The following ZNF148 variants were observed in gnomAD, a reference collection of about 807,000 sequenced individuals.
The protein encoded by ZNF148 is Beta-Enolase Repressor Factor-1.
ZNF148 carries 7 observed loss-of-function variants against 67.7 expected under a neutral mutation model. That is an observed-to-expected ratio of 0.10 (90% CI 0.06 to 0.19). The LOEUF is 0.19. Ranked by LOEUF, ZNF148 falls within the 10% of genes least tolerant of loss-of-function variation. The pLI is 1.00. For synonymous variants in ZNF148, 333 were observed against 330.7 expected (o/e 1.01, Z -0.08); for missense variants, 583 against 947.1 (o/e 0.62, Z 5.05).
intron 7 of ZNF148, among the ~76,000 whole-genome samples, chr3:125,262,443 G>C (rs1158197286): frequency 1.3e-5 from 2 of 152,194 alleles, no homozygotes; most frequent in East Asian, 3.8e-4. Flanking sequence ...TGGAGATTTT[G>C]CTTCTTGTTC....
chr3:125,352,534 A>G (rs559700202), intron 1 of ZNF148, among the ~76,000 whole-genome samples: 19 of 152,288 alleles, frequency 1.2e-4, no homozygotes, highest in African/African-American at 3.8e-4. Context: ...TGTATGGTAT[A>G]TAAGTTATAC....
At chr3:125,270,986 T>A in intron 7 of ZNF148, among the ~76,000 whole-genome samples, 1 of 152,324 alleles carries the variant, frequency 6.6e-6, no homozygotes. Context: ...TTTAAAAAAA[T>A]TTAAATACCT....
At chr3:125,332,460 TTA>T (rs1424592847) in intron 1 of ZNF148, among the ~76,000 whole-genome samples, 2 of 152,172 alleles carry the variant, frequency 1.3e-5, no homozygotes, top group African/African-American at 4.8e-5. Context: ...TAAAGCTAAA[TTA>T]TGTTAAATTA....
chr3:125,288,195 C>A lies in ZNF148; in HGVS notation c.367G>T (p.Val123Leu). ...TTGTCTCTCATCAGTTGCTCAGATA[C>A]ATCAGTAAAAGTAATTTCCTGCTTT... Reference protein sequence around the residue: ...SVKQEITFTDVSEQLMRDKKQ... With the variant: ...SVKQEITFTDLSEQLMRDKKQ... Residue 123 changes from valine (V) to leucine (L), a missense_variant, in exon 5 of 9, where the codon GTA becomes TTA. Coordinates refer to ENST00000360647, the MANE Select transcript of ZNF148 (RefSeq NM_021964.3). The A allele has an allele frequency of 6.2e-7, 1 of 1,613,512 alleles. No individual in the cohort carries two copies. The highest frequency in any genetic ancestry group is 2.2e-5 in the East Asian group (1 of 44,848).
chr3:125,332,720 C>T (rs1477056283), intron 1 of ZNF148, among the ~76,000 whole-genome samples: 5 of 152,130 alleles, frequency 3.3e-5, no homozygotes, highest in Admixed American at 3.3e-4. Context: ...TAAATACTGC[C>T]TGCCTATGTT....
intron 7 of ZNF148, among the ~76,000 whole-genome samples, chr3:125,249,630 A>G (rs1194185568): frequency 6.6e-6 from 1 of 152,188 alleles, no homozygotes; most frequent in Admixed American, 6.5e-5. Flanking sequence ...AAAACAAAAA[A>G]AAACTAAAAA....
At chr3:125,323,644 G>A (rs1940884604) in intron 2 of ZNF148, among the ~76,000 whole-genome samples, 200 bp from the exon 3 acceptor site, 3 of 152,128 alleles carry the variant, frequency 2.0e-5, no homozygotes, top group Admixed American at 2.0e-4. Context: ...GACAGTAAAT[G>A]AGAAATAAAC....
intron 4 of ZNF148, among the ~76,000 whole-genome samples, chr3:125,304,754 T>C (rs962812748): frequency 1.3e-5 from 2 of 152,124 alleles, no homozygotes; most frequent in African/African-American, 4.8e-5. Flanking sequence ...GCTCTGTCCA[T>C]TGAGAGGCCT....
At chr3:125,274,796 A>C (rs569125440) in intron 7 of ZNF148, among the ~76,000 whole-genome samples, 1 of 152,220 alleles carries the variant, frequency 6.6e-6, no homozygotes, top group Admixed American at 6.5e-5. Flanking sequence ...GATGGTTTTC[A>C]CCAACCTTTG....
At chr3:125,265,342 A>G (rs1937511129) in intron 7 of ZNF148, among the ~76,000 whole-genome samples, 1 of 152,230 alleles carries the variant, frequency 6.6e-6, no homozygotes, top group South Asian at 2.1e-4. Context: ...CTGGCATCGC[A>G]TCTCCTTAAT....
chr3:125,305,569 T>C lies in ZNF148; in HGVS notation c.333+7739A>G, dbSNP rs560828218. Among the ~76,000 whole-genome samples the C allele has an allele frequency of 1.4e-4, 21 of 152,042 alleles. No homozygotes were observed. In the South Asian group the frequency reaches 4.2e-3, roughly 30 times the overall value. ...GCTCACACCTGTAATCCCAGTACTT[T>C]GGGAGGTGAAAGCAGGAGGATCGCT... On this transcript the variant is annotated intron_variant, in intron 4 of 8. Transcript: ENST00000360647.
intron 4 of ZNF148, among the ~76,000 whole-genome samples, chr3:125,299,009 G>A (rs958325256): frequency 1.3e-5 from 2 of 152,150 alleles, no homozygotes; most frequent in East Asian, 3.8e-4. Context: ...AAAACTTCCA[G>A]AAAGGTATCA....
Position 125,232,477 on chromosome 3 carries a change from G to C in ZNF148, c.2249C>G (p.Thr750Ser). 6.2e-7 allele frequency: 1 copy of C among 1,613,724 alleles called. No individual in the cohort carries two copies. Among genetic ancestry groups the C allele is most frequent in the Non-Finnish European group, 8.5e-7 (1 of 1,179,764 alleles). Reference protein sequence around the residue: ...SRAGIATQFSTANGQVNLRGP... With the variant: ...SRAGIATQFSSANGQVNLRGP... ...CCGAAGGTTCACCTGTCCATTGGCAGTGCTAAATTGAGTAGCTATTCCAGC... is the reference window on the plus strand; with the variant it reads ...CCGAAGGTTCACCTGTCCATTGGCACTGCTAAATTGAGTAGCTATTCCAGC... The change falls in exon 9 of 9, where the codon ACT (threonine) becomes AGT (serine). Residue 750 changes from threonine to serine, a missense_variant. Physicochemically the swap from Thr to Ser is moderately conservative, Grantham distance 58. Around this residue, in one of 5 missense-constraint regions of ZNF148, gnomAD observed 158 missense variants for 208.4 expected, o/e 0.76. Coordinates refer to ENST00000360647, the MANE Select transcript of ZNF148 (RefSeq NM_021964.3). The surrounding 1 kb of genome is among the most constrained non-coding windows in gnomAD (Gnocchi z 4.2).
At chr3:125,371,251 G>A (rs1240701910) in intron 1 of ZNF148, among the ~76,000 whole-genome samples, 1 of 151,652 alleles carries the variant, frequency 6.6e-6, no homozygotes, top group Non-Finnish European at 1.5e-5. Flanking sequence ...GGCTACTTGT[G>A]GGGCTGAGGT....
At chr3:125,251,172 T>G (rs1399482914) in intron 7 of ZNF148, among the ~76,000 whole-genome samples, 1 of 152,144 alleles carries the variant, frequency 6.6e-6, no homozygotes, top group Non-Finnish European at 1.5e-5. Context: ...AATCAAGAAA[T>G]AGAACATTAT....
At chr3:125,273,049 T>C (rs1311105382) in intron 7 of ZNF148, among the ~76,000 whole-genome samples, 1 of 152,182 alleles carries the variant, frequency 6.6e-6, no homozygotes, top group Non-Finnish European at 1.5e-5. Flanking sequence ...GACTTCTCTA[T>C]TAGAGCTAAT....
At chr3:125,327,241 A>G (rs1295670487) in intron 2 of ZNF148, among the ~76,000 whole-genome samples, 1 of 152,210 alleles carries the variant, frequency 6.6e-6, no homozygotes, top group Non-Finnish European at 1.5e-5. Context: ...CAAAATAATG[A>G]AGCAGTAACT....
At chr3:125,307,190 G>A (rs774178366) in intron 4 of ZNF148, among the ~76,000 whole-genome samples, 3 of 152,088 alleles carry the variant, frequency 2.0e-5, no homozygotes, top group Non-Finnish European at 4.4e-5. Context: ...CGCAAGAGCT[G>A]TTTAATATTT....
intron 7 of ZNF148, among the ~76,000 whole-genome samples, chr3:125,266,411 C>A (rs1363714255): frequency 6.6e-6 from 1 of 152,080 alleles, no homozygotes. Context: ...GGTATCAATA[C>A]CAAGAAGAAC....
Sources: gnomAD v4.1 joint callset for allele counts (sites outside exome capture counted in the v4.1 genomes callset) on GRCh38, gnomAD v4.1.1 for gene constraint, gnomAD v4.1.1 regional missense constraint, Gnocchi (gnomAD v3.1) non-coding constraint, MANE v1.5 for transcripts, NCBI Gene and HGNC (gene_info 2026-07-23, HGNC 2026-07-21) for gene names.